KLRG1: variants seen among roughly 807,000 people sequenced by gnomAD.
KLRG1 encodes the protein killer cell lectin-like receptor subfamily G member 1.
KLRG1 carries 16 observed loss-of-function variants against 21.8 expected under a neutral mutation model. The ratio of observed to expected loss-of-function variants is 0.73; its 90% CI spans 0.50 to 1.11. KLRG1 has a LOEUF of 1.11. Among genes scored for constraint, KLRG1 ranks in the 50% most tolerant of loss-of-function variants. The probability of loss-of-function intolerance (pLI) is 0.00; values close to 1 mark genes in which losing one functional copy is unlikely to be tolerated. For missense variants in KLRG1, 173 were observed against 218.3 expected (o/e 0.79, Z 1.31); for synonymous variants, 69 against 75.9 (o/e 0.91, Z 0.47).
chr12:9,140,242 C>T, the KLRG1 span, among the ~76,000 whole-genome samples: 1 of 152,138 alleles, frequency 6.6e-6, no homozygotes, highest in Admixed American at 6.5e-5. Context: ...AGGGTAAGAA[C>T]ATTAGTCCTA....
At chr12:9,202,422 T>G in the KLRG1 span, 1 of 1,613,550 alleles carries the variant, frequency 6.2e-7, no homozygotes, top group Admixed American at 1.7e-5. Flanking sequence ...GCAGGTAATT[T>G]GGGTAATAAG....
chr12:9,164,325 T>G, the KLRG1 span: 1 of 1,510,980 alleles, frequency 6.6e-7, no homozygotes, highest in Non-Finnish European at 9.0e-7. Context: ...CACATAGAAT[T>G]GGGGCCAAGT....
chr12:9,154,277 A>G, the KLRG1 span, among the ~76,000 whole-genome samples: 4 of 152,190 alleles, frequency 2.6e-5, no homozygotes, highest in African/African-American at 9.7e-5. Flanking sequence ...AAGGCTGAGG[A>G]TAGTTCCTTT....
the KLRG1 span, chr12:9,072,836 A>G: frequency 2.5e-6 from 4 of 1,614,096 alleles, no homozygotes; most frequent in Admixed American, 5.0e-5. Context: ...TGGCTGCTCC[A>G]TATTTGGACA....
Position 9,009,020 on chromosome 12 carries a change from C to G in KLRG1, c.403C>G (p.Leu135Val). The G allele has an allele frequency of 1.2e-6, 2 of 1,613,830 alleles. 1 individual carries two copies. Among genetic ancestry groups the G allele is most frequent in the South Asian group, 2.2e-5 (2 of 91,052 alleles). The change falls in exon 4 of 5, where the codon CTG becomes GTG. Residue 135 changes from leucine to valine, a missense_variant. Leu to Val is a conservative substitution (Grantham distance 32). Transcript: ENST00000356986. ...CAGTGAGGCCTTTTGCTGGATTGGT[C>G]TGAGGAACAATTCTGGCTGGAGGTG... ...FLSEAFCWIG[L>V]RNNSGWRWED...
chr12:9,149,562 T>C, the KLRG1 span: 1 of 1,612,572 alleles, frequency 6.2e-7, no homozygotes, highest in Non-Finnish European at 8.5e-7. Flanking sequence ...AACTCTTACC[T>C]GTGCTGCAGG....
At chr12:9,115,961 G>A in the KLRG1 span, 1 of 857,152 alleles carries the variant, frequency 1.2e-6, no homozygotes, top group East Asian at 2.5e-5. Context: ...TGCTCTGTGT[G>A]CAAACAGGAA....
the KLRG1 span, chr12:9,112,319 T>C: frequency 6.3e-7 from 1 of 1,598,720 alleles, no homozygotes; most frequent in Non-Finnish European, 8.6e-7. Flanking sequence ...CTGGGGAACA[T>C]CCAGGGGAAG....
chr12:9,202,267 G>T, the KLRG1 span: 1 of 1,467,948 alleles, frequency 6.8e-7, no homozygotes, highest in South Asian at 1.1e-5. Flanking sequence ...CTCACTCTGG[G>T]TGAGTATTCC....
chr12:9,018,329 AAAAC>A, the KLRG1 span, among the ~76,000 whole-genome samples: 1 of 152,162 alleles, frequency 6.6e-6, no homozygotes, highest in East Asian at 1.9e-4. Flanking sequence ...AACAAAAACA[AAAAC>A]AAAAACAAAA....
the KLRG1 span, among the ~76,000 whole-genome samples, chr12:9,209,187 A>G: frequency 0.29 from 43,991 of 151,964 alleles, 7,398 homozygotes; most frequent in East Asian, 0.43. Context: ...CCACCAGCAG[A>G]TTTAATGCCA....
chr12:8,983,909 G>A (rs903863546), intron 1 of KLRG1, among the ~76,000 whole-genome samples: 5 of 151,918 alleles, frequency 3.3e-5, no homozygotes, highest in East Asian at 1.9e-4. Context: ...ATCTTGATGC[G>A]GATTCAGTGA....
the KLRG1 span, chr12:9,074,739 C>G: frequency 6.2e-7 from 1 of 1,613,868 alleles, no homozygotes. Context: ...AAATGCCCCA[C>G]TGGTGCCTTG....
the KLRG1 span, among the ~76,000 whole-genome samples, chr12:9,086,817 A>T: frequency 6.6e-6 from 1 of 152,214 alleles, no homozygotes; most frequent in Non-Finnish European, 1.5e-5. Context: ...GAAATGAAAA[A>T]TATCCAAATT....
chr12:9,201,424 C>T, the KLRG1 span: 1 of 1,117,996 alleles, frequency 8.9e-7, no homozygotes, highest in Non-Finnish European at 1.3e-6. Context: ...GATCAAACAA[C>T]AAACTGAGGA....
the KLRG1 span, among the ~76,000 whole-genome samples, chr12:9,184,243 C>A: frequency 6.6e-6 from 1 of 152,206 alleles, no homozygotes; most frequent in African/African-American, 2.4e-5. Flanking sequence ...AGGCACTAAG[C>A]TCGCCAACCC....
At chr12:9,177,085 G>C in the KLRG1 span, among the ~76,000 whole-genome samples, 1 of 152,264 alleles carries the variant, frequency 6.6e-6, no homozygotes, top group African/African-American at 2.4e-5. Flanking sequence ...AATAATCTCT[G>C]CCTCCTGGTA....
At chr12:9,029,265 G>T in the KLRG1 span, among the ~76,000 whole-genome samples, 1 of 151,924 alleles carries the variant, frequency 6.6e-6, no homozygotes, top group Non-Finnish European at 1.5e-5. Flanking sequence ...GCCCAGACTG[G>T]AGTGCAATGG....
chr12:9,200,634 A>G, the KLRG1 span, among the ~76,000 whole-genome samples: 3 of 152,200 alleles, frequency 2.0e-5, no homozygotes, highest in Non-Finnish European at 4.4e-5. Flanking sequence ...TCTTGAGCAC[A>G]GCGGGTCTCA....
Sources: gnomAD v4.1 joint callset for allele counts (sites outside exome capture counted in the v4.1 genomes callset) on GRCh38, gnomAD v4.1.1 for gene constraint, MANE v1.5 for transcripts, NCBI Gene and HGNC (gene_info 2026-07-23, HGNC 2026-07-21) for gene names.